The following GPR26 variants were observed in gnomAD, a reference collection of about 807,000 sequenced individuals.
GPR26 encodes the protein G protein-coupled receptor 26.
GPR26 carries 15 observed loss-of-function variants against 23.1 expected under a neutral mutation model. The ratio of observed to expected loss-of-function variants is 0.65; its 90% confidence interval spans 0.43 to 1.00. GPR26 has a LOEUF of 1.00. Ranked by LOEUF, GPR26 falls within the 50% of genes least tolerant of loss-of-function variation. The pLI is 0.00. For missense variants in GPR26, 359 were observed against 470.5 expected, an observed-to-expected ratio of 0.76 and a Z score of 2.19; for synonymous variants, 228 against 222.1, an observed-to-expected ratio of 1.03 and a Z score of -0.24.
rs150059506 is a variant in GPR26, at chr10:123,669,539, G to C, written c.668+2464G>C. ...GGAGTGCTGGTCTTGGGCAGCAGGA[G>C]CTGGCTTCTCCCTCTGGACAGCCAG... On this transcript the variant is annotated intron_variant, in intron 1 of 2. Transcript: ENST00000284674. Among the ~76,000 whole-genome samples the C allele has an allele frequency of 4.1e-3, 618 of 152,332 alleles. 1 individual carries two copies. The highest frequency in any genetic ancestry group is 0.031 in the Middle Eastern group (9 of 294).
Position 123,674,690 on chromosome 10 carries a change from G to A in GPR26, c.669-128G>A, listed in dbSNP as rs367840438. On this transcript the variant is annotated intron_variant, in intron 1 of 2. Transcript: ENST00000284674. This position sits in a 1 kb window ranked among gnomAD's most constrained non-coding sequence, Gnocchi z 4.1. ...TCAATAGCTACAGCCAAGAGTTGACGCTGGGTCTTTCCGACTCCATAGTCA... is the reference window on the plus strand; with the variant it reads ...TCAATAGCTACAGCCAAGAGTTGACACTGGGTCTTTCCGACTCCATAGTCA... 9 of 611,872 alleles carry A rather than the reference G, an allele frequency of 1.5e-5. No homozygotes were observed. Among genetic ancestry groups the A allele is most frequent in the Admixed American group, 7.8e-5 (3 of 38,512 alleles). 37.9% of individuals were successfully genotyped at this position (611,872 alleles called of 1,614,324 possible).
At chr10:123,682,545 C>T (rs980874550) in intron 2 of GPR26, among the ~76,000 whole-genome samples, 1 of 152,246 alleles carries the variant, frequency 6.6e-6, no homozygotes, top group Non-Finnish European at 1.5e-5. Context: ...AGGGCCTGCA[C>T]ATCCACAACA....
Position 123,696,920 on chromosome 10 carries a change from T to C in GPR26, c.*8760T>C, listed in dbSNP as rs959493548. Among the ~76,000 whole-genome samples the C allele has an allele frequency of 9.2e-5, 14 of 152,040 alleles. No individual in the cohort carries two copies. The highest frequency in any genetic ancestry group is 9.2e-4 in the Admixed American group (14 of 15,270). On this transcript the variant is annotated 3_prime_UTR_variant, in exon 3 of 3. Coordinates refer to ENST00000284674, the MANE Select transcript of GPR26 (RefSeq NM_153442.4). ...GTGAATGTTTGTGTGCCCATGAGTA[T>C]ATGCATATGGGTATATGTTTGTGTG...
chr10:123,677,606 C>T (rs1200566683), intron 2 of GPR26, among the ~76,000 whole-genome samples: 2 of 152,194 alleles, frequency 1.3e-5, no homozygotes, highest in East Asian at 3.8e-4. Context: ...GGTGCGACCC[C>T]GGGAGTTCCC....
chr10:123,668,293 G>A (rs535664061), intron 1 of GPR26, among the ~76,000 whole-genome samples: 51 of 152,292 alleles, frequency 3.3e-4, no homozygotes, highest in African/African-American at 3.1e-4. Context: ...TCACAATGCC[G>A]ACACATTGAA....
intron 1 of GPR26, among the ~76,000 whole-genome samples, chr10:123,672,324 C>T (rs1221345104): frequency 6.6e-6 from 1 of 152,184 alleles, no homozygotes; most frequent in Non-Finnish European, 1.5e-5. Context: ...CTATACATGG[C>T]TGTGGAGTCT....
chr10:123,696,512 T>G lies in GPR26; in HGVS notation c.*8352T>G, dbSNP rs1011082268. 1.3e-5 allele frequency among the ~76,000 whole-genome samples: 2 copies of G among 152,190 alleles called. No homozygotes were observed. The highest frequency in any genetic ancestry group is 2.4e-5 in the African/African-American group (1 of 41,442). ...TCCAGTTAAGGAAACCTAAGGTATG[T>G]GCCAGCTGGTTTAGCATTCAATATG... On this transcript the variant is annotated 3_prime_UTR_variant, in exon 3 of 3. Transcript: ENST00000284674.
rs761048863 is a variant in GPR26 at position 123,687,946 on chromosome 10, C to G, written c.800C>G (p.Ser267Cys). Residue 267 changes from serine to cysteine, a missense_variant, in exon 3 of 3, where the codon TCC becomes TGC. By Grantham distance (112) the Ser-to-Cys change is moderately radical. Coordinates refer to ENST00000284674, the MANE Select transcript of GPR26 (RefSeq NM_153442.4). Reference protein sequence around the residue: ...YVITRLVELFSTVPIGSHWGV... With the variant: ...YVITRLVELFCTVPIGSHWGV... ...CTCCACAGGCTAGTGGAGCTCTTCTCCACGGTGCCCATCGGCTCCCACTGG... is the reference window on the plus strand; with the variant it reads ...CTCCACAGGCTAGTGGAGCTCTTCTGCACGGTGCCCATCGGCTCCCACTGG... The G allele has an allele frequency of 6.2e-6, 10 of 1,611,772 alleles. No homozygotes were observed. Among genetic ancestry groups the G allele is most frequent in the Non-Finnish European group, 7.6e-6 (9 of 1,178,210 alleles).
At position 123,666,517 on chromosome 10, in the gene GPR26, G is replaced by C. The variant is rs777360152; in HGVS notation, c.110G>C (p.Arg37Pro). The C allele has an allele frequency of 6.3e-7, 1 of 1,579,248 alleles. No homozygotes were observed. Among genetic ancestry groups the C allele is most frequent in the Non-Finnish European group, 8.6e-7 (1 of 1,166,358 alleles). The change falls in exon 1 of 3, where the codon CGC becomes CCC. Residue 37 changes from arginine (R) to proline (P), a missense_variant. By Grantham distance (103) the Arg-to-Pro change is moderately radical. Transcript: ENST00000284674. ...TGCCTGCTGCACAGCGCGGACATCC[G>C]CCGCCAGGCGCCGGCGCTCTTCACC... ...LLCLLHSADI[R>P]RQAPALFTLN...
At chr10:123,676,075 C>T (rs1255022252) in intron 2 of GPR26, among the ~76,000 whole-genome samples, 1 of 151,910 alleles carries the variant, frequency 6.6e-6, no homozygotes, top group Admixed American at 6.6e-5. Flanking sequence ...TGCCGCTGCT[C>T]CCAGTTCTTC....
intron 2 of GPR26, among the ~76,000 whole-genome samples, chr10:123,677,002 T>C (rs989457936): frequency 1.3e-5 from 2 of 152,104 alleles, no homozygotes; most frequent in African/African-American, 4.8e-5. Context: ...TTTGATCCAG[T>C]GTGGGAAGGT....
intron 1 of GPR26, among the ~76,000 whole-genome samples, chr10:123,671,780 T>A (rs1482064059): frequency 6.6e-6 from 1 of 152,192 alleles, no homozygotes; most frequent in East Asian, 1.9e-4. Flanking sequence ...CCTGACTCTG[T>A]CCTGAATTCT....
In GPR26 at chr10:123,675,831, TAC is replaced by T. The variant is rs766495988; in HGVS notation, c.782+901_782+902del. On this transcript the variant is annotated intron_variant, in intron 2 of 2. Transcript: ENST00000284674. Reference sequence around the variant, plus strand: ...GTGTGTGTGTGTACGTGTGTGTGTGTACGTGTGTGTGTGTGTGTGTGTGTAAG... The same window carrying T: ...GTGTGTGTGTGTACGTGTGTGTGTGTGTGTGTGTGTGTGTGTGTGTGTAAG... Among the ~76,000 whole-genome samples the T allele has an allele frequency of 3.1e-3, 277 of 88,508 alleles. 6 individuals carry two copies. In the South Asian group the frequency reaches 0.056, roughly 18 times the overall value. The allele number at this position is 88,508 out of a possible 152,430, so 58.1% of individuals were successfully genotyped here.
intron 2 of GPR26, among the ~76,000 whole-genome samples, chr10:123,681,820 T>C (rs1407540671): frequency 6.6e-6 from 1 of 152,246 alleles, no homozygotes; most frequent in African/African-American, 2.4e-5. Flanking sequence ...TTTATAACCA[T>C]ACCTGTCACT....
chr10:123,681,222 A>G (rs1845371390), intron 2 of GPR26, among the ~76,000 whole-genome samples: 2 of 152,134 alleles, frequency 1.3e-5, no homozygotes, highest in African/African-American at 4.8e-5. Flanking sequence ...ACTCAGCCTC[A>G]GTTCTAGTGT....
chr10:123,667,141 C>A, intron 1 of GPR26, 66 bp downstream of exon 1: 1 of 1,213,558 alleles, frequency 8.2e-7, no homozygotes, highest in South Asian at 1.6e-5. Flanking sequence ...TGGGAGGTCC[C>A]TAGCCCCAGG....
chr10:123,682,746 G>A (rs1257508603), intron 2 of GPR26, among the ~76,000 whole-genome samples: 2 of 152,234 alleles, frequency 1.3e-5, no homozygotes, highest in African/African-American at 4.8e-5. Flanking sequence ...TCAAAGTCAG[G>A]AAAATGTGTA....
intron 2 of GPR26, among the ~76,000 whole-genome samples, chr10:123,680,838 G>GGTGTTTTTTTTTTTTTTT (rs1564732146): frequency 1.0e-5 from 1 of 95,292 alleles, no homozygotes; most frequent in Non-Finnish European, 2.1e-5. Flanking sequence ...GGGGGGGGGG[G>GGTGTTTTTTTTTTTTTTT]TTGTTTTTTT....
intron 1 of GPR26, among the ~76,000 whole-genome samples, chr10:123,667,864 G>A (rs1409573210): frequency 6.6e-6 from 1 of 152,182 alleles, no homozygotes; most frequent in Non-Finnish European, 1.5e-5. Context: ...CATCGCAGGA[G>A]CCTGTCAGGG....
Sources: allele counts gnomAD v4.1 joint callset (sites outside exome capture counted in the v4.1 genomes callset), GRCh38; gene constraint gnomAD v4.1.1; non-coding constraint Gnocchi (gnomAD v3.1); transcripts MANE v1.5; gene names NCBI Gene and HGNC (gene_info 2026-07-23, HGNC 2026-07-21).